The following SORCS1 variants were observed in gnomAD, a reference collection of about 807,000 sequenced individuals.
The protein encoded by SORCS1 is sortilin related VPS10 domain containing receptor 1.
A neutral mutation model predicts 146.1 loss-of-function variants in SORCS1; 60 were observed. The ratio of observed to expected loss-of-function variants is 0.41; its 90% CI spans 0.33 to 0.51. The LOEUF (loss-of-function observed/expected upper bound fraction) is 0.51. SORCS1 is among the 20% of genes least tolerant of loss of function. The pLI is 0.21. For missense variants in SORCS1, 1,352 were observed against 1,487.6 expected, an observed-to-expected ratio of 0.91 and a Z score of 1.50; for synonymous variants, 637 against 584.0, an observed-to-expected ratio of 1.09 and a Z score of -1.31.
rs572672015 is a variant in SORCS1, at chr10:106,862,973, C to G, written c.627-33300G>C. Among the ~76,000 whole-genome samples, 19 of 152,202 alleles carry G rather than the reference C, an allele frequency of 1.2e-4. No homozygotes were observed. In the South Asian group the frequency reaches 3.5e-3, roughly 28 times the overall value. The stretch of plus-strand genomic sequence containing the variant: ...GTCAAATATGCAAAGGCACCTTCAA[C>G]TCGTCGATTAAAAAAATTTTGTAAA... On this transcript the variant is annotated intron_variant, in intron 2 of 25. Coordinates refer to ENST00000263054, the MANE Select transcript of SORCS1 (RefSeq NM_052918.5).
At chr10:106,853,506 C>G (rs1949669815) in intron 2 of SORCS1, among the ~76,000 whole-genome samples, 1 of 150,846 alleles carries the variant, frequency 6.6e-6, no homozygotes, top group East Asian at 1.9e-4. Flanking sequence ...TGCTTATTAT[C>G]AATTTAATTT....
At chr10:107,125,476 A>G (rs1966662969) in intron 1 of SORCS1, among the ~76,000 whole-genome samples, 1 of 152,236 alleles carries the variant, frequency 6.6e-6, no homozygotes, top group Admixed American at 6.5e-5. Context: ...TGTCAGGAGC[A>G]TGGATATTCA....
intron 2 of SORCS1, among the ~76,000 whole-genome samples, chr10:106,915,766 A>G (rs1005039387): frequency 6.6e-6 from 1 of 152,160 alleles, no homozygotes; most frequent in African/African-American, 2.4e-5. Context: ...CTGACTTCCA[A>G]TAATGTATTG....
chr10:106,994,063 CAA>C (rs67408221), intron 1 of SORCS1, among the ~76,000 whole-genome samples: 1,288 of 80,770 alleles, frequency 0.016, 27 homozygotes, highest in African/African-American at 0.064. Context: ...GACCCCATCT[CAA>C]AAAAAAAAAA....
rs565662508 is a variant in SORCS1 at position 107,041,298 on chromosome 10, G to A, written c.559-84718C>T. On this transcript the variant is annotated intron_variant, in intron 1 of 25. Transcript: ENST00000263054. ...TTGCTGCTGCAGTTAAGCATTTGATGATGTTGTCTATCTCTGCTACTTTCT... is the reference window on the plus strand; with the variant it reads ...TTGCTGCTGCAGTTAAGCATTTGATAATGTTGTCTATCTCTGCTACTTTCT... Among the ~76,000 whole-genome samples the A allele has an allele frequency of 3.3e-4, 50 of 152,004 alleles. 1 individual carries two copies. Among genetic ancestry groups the A allele is most frequent in the Non-Finnish European group, 5.7e-4 (39 of 67,968 alleles).
intron 1 of SORCS1, among the ~76,000 whole-genome samples, chr10:107,014,241 G>C (rs1957798210): frequency 7.3e-6 from 1 of 136,358 alleles, no homozygotes; most frequent in Non-Finnish European, 1.5e-5. Flanking sequence ...CAGACAGAGG[G>C]AGACCCTGCG....
At chr10:106,891,504 C>CGTTTTTTTTTTTTTTTTTTTTTTTTT (rs1951230796) in intron 2 of SORCS1, among the ~76,000 whole-genome samples, 2 of 97,260 alleles carry the variant, frequency 2.1e-5, no homozygotes, top group African/African-American at 3.6e-5. Flanking sequence ...AATGGGAATT[C>CGTTTTTTTTTTTTTTTTTTTTTTTTT]TTTTTTTTTT....
chr10:106,870,345 T>G (rs1950360887), intron 2 of SORCS1, among the ~76,000 whole-genome samples: 1 of 152,138 alleles, frequency 6.6e-6, no homozygotes, highest in Non-Finnish European at 1.5e-5. Flanking sequence ...ATTTTAAAAT[T>G]CATATGGAAT....
chr10:106,892,582 TATTC>T, intron 2 of SORCS1, among the ~76,000 whole-genome samples: 1 of 152,344 alleles, frequency 6.6e-6, no homozygotes, highest in Non-Finnish European at 1.5e-5. Context: ...TCCACCCATT[TATTC>T]ATTCATTTAT....
At chr10:107,131,561 C>T (rs2134635660) in intron 1 of SORCS1, among the ~76,000 whole-genome samples, 1 of 152,194 alleles carries the variant, frequency 6.6e-6, no homozygotes, top group East Asian at 1.9e-4. Flanking sequence ...CCCATCTCTA[C>T]CAAAAATACA....
At chr10:106,647,704 C>T (rs1564815074) in intron 18 of SORCS1, among the ~76,000 whole-genome samples, 2 of 152,162 alleles carry the variant, frequency 1.3e-5, no homozygotes, top group Non-Finnish European at 2.9e-5. Flanking sequence ...AAATCATACA[C>T]ATTAATGTGA....
intron 1 of SORCS1, among the ~76,000 whole-genome samples, chr10:107,102,299 T>C (rs989961192): frequency 6.6e-6 from 1 of 152,212 alleles, no homozygotes; most frequent in African/African-American, 2.4e-5. Flanking sequence ...GGAAAACGTA[T>C]GGCCCTTCTC....
At chr10:106,658,143 C>T (rs1331742937) in intron 17 of SORCS1, among the ~76,000 whole-genome samples, 1 of 151,956 alleles carries the variant, frequency 6.6e-6, no homozygotes, top group Non-Finnish European at 1.5e-5. Context: ...GAGTAAAGTT[C>T]AGGTTTAAAG....
intron 12 of SORCS1, among the ~76,000 whole-genome samples, chr10:106,678,069 C>A (rs1391194500): frequency 6.6e-6 from 1 of 152,156 alleles, no homozygotes; most frequent in Non-Finnish European, 1.5e-5. Flanking sequence ...ACAATGGAAA[C>A]AATCTCTAGA....
At chr10:106,909,349 G>C (rs994006796) in intron 2 of SORCS1, among the ~76,000 whole-genome samples, 1 of 152,040 alleles carries the variant, frequency 6.6e-6, no homozygotes, top group African/African-American at 2.4e-5. Flanking sequence ...TTGCAAAGTA[G>C]CTATAGGTAT....
chr10:106,880,848 G>A (rs1564767775), intron 2 of SORCS1, among the ~76,000 whole-genome samples: 1 of 152,024 alleles, frequency 6.6e-6, no homozygotes, highest in Non-Finnish European at 1.5e-5. Context: ...CAGCACTTTG[G>A]GAGGCCGAGG....
Position 106,646,057 on chromosome 10 carries a change from G to A in SORCS1, c.2475+6325C>T, listed in dbSNP as rs11192990. On this transcript the variant is annotated intron_variant, in intron 18 of 25. Coordinates refer to ENST00000263054, the MANE Select transcript of SORCS1 (RefSeq NM_052918.5). The stretch of plus-strand genomic sequence containing the variant: ...AGGTGGGCAGATCACTTGAGGTCAC[G>A]AGTTCAAGACCAGCCTGACCAACAT... 7.4e-3 allele frequency among the ~76,000 whole-genome samples: 1,119 copies of A among 152,138 alleles called. 19 individuals are homozygous for A. The highest frequency in any genetic ancestry group is 0.026 in the African/African-American group (1,059 of 41,500).
intron 1 of SORCS1, among the ~76,000 whole-genome samples, chr10:107,032,202 C>T (rs754240001): frequency 6.6e-6 from 1 of 152,046 alleles, no homozygotes; most frequent in African/African-American, 2.4e-5. Flanking sequence ...CACACATGTC[C>T]ATTAGTAAGA....
At chr10:106,976,611 G>A (rs917074332) in intron 1 of SORCS1, among the ~76,000 whole-genome samples, 3 of 151,794 alleles carry the variant, frequency 2.0e-5, no homozygotes, top group Non-Finnish European at 2.9e-5. Flanking sequence ...GATTACAGGC[G>A]TGAGCCACCG....
Sources: allele counts gnomAD v4.1 joint callset (sites outside exome capture counted in the v4.1 genomes callset), GRCh38; gene constraint gnomAD v4.1.1; transcripts MANE v1.5; gene names NCBI Gene and HGNC (gene_info 2026-07-23, HGNC 2026-07-21).